ERBB4: variants seen among roughly 807,000 people sequenced by gnomAD.
ERBB4 encodes receptor tyrosine-protein kinase erbB-4.
ERBB4 carries 42 observed loss-of-function variants against 158.0 expected under a neutral mutation model. The ratio of observed to expected loss-of-function variants is 0.27; its 90% confidence interval spans 0.21 to 0.34. ERBB4 has a LOEUF of 0.34. ERBB4 is among the 10% of genes least tolerant of loss of function. ERBB4 has a pLI of 1.00. For synonymous variants in ERBB4, 583 were observed against 558.7 expected, an observed-to-expected ratio of 1.04 and a Z score of -0.61; for missense variants, 1,333 against 1,624.1, an observed-to-expected ratio of 0.82 and a Z score of 3.08.
chr2:212,437,398 G>T (rs566258157), intron 1 of ERBB4, among the ~76,000 whole-genome samples: 1 of 151,158 alleles, frequency 6.6e-6, no homozygotes, highest in Non-Finnish European at 1.5e-5. Context: ...AGCAATTTTT[G>T]AGTTCTAAAG....
chr2:211,882,957 T>C (rs958229029), intron 3 of ERBB4, among the ~76,000 whole-genome samples: 1 of 152,218 alleles, frequency 6.6e-6, no homozygotes, highest in African/African-American at 2.4e-5. Context: ...TTACTGGGTA[T>C]ATACCCAAAG....
At chr2:212,305,824 T>C (rs1450370584) in intron 1 of ERBB4, among the ~76,000 whole-genome samples, 3 of 151,384 alleles carry the variant, frequency 2.0e-5, no homozygotes, top group Non-Finnish European at 4.4e-5. Context: ...TTAAAAGAAA[T>C]GTATCTGTTA....
intron 1 of ERBB4, among the ~76,000 whole-genome samples, chr2:212,196,614 A>G (rs937785119): frequency 6.6e-6 from 1 of 152,178 alleles, no homozygotes; most frequent in Non-Finnish European, 1.5e-5. Flanking sequence ...TATATTGTAC[A>G]GGAGGTAAGG....
intron 20 of ERBB4, among the ~76,000 whole-genome samples, chr2:211,445,694 A>G (rs2064094434): frequency 6.6e-6 from 1 of 152,178 alleles, no homozygotes; most frequent in South Asian, 2.1e-4. Context: ...CAGTGGACTC[A>G]AGAGTGAACA....
intron 1 of ERBB4, among the ~76,000 whole-genome samples, chr2:212,275,870 G>A (rs929386632): frequency 1.3e-5 from 2 of 151,830 alleles, no homozygotes; most frequent in Admixed American, 1.3e-4. Flanking sequence ...CCAATTAAAA[G>A]ACACAGACTG....
At chr2:211,417,679 C>A (rs2063424368) in intron 25 of ERBB4, among the ~76,000 whole-genome samples, 1 of 152,076 alleles carries the variant, frequency 6.6e-6, no homozygotes, top group Non-Finnish European at 1.5e-5. Flanking sequence ...ATCAAAAGCA[C>A]TATAAAAAAT....
At position 212,124,635 on chromosome 2, in the gene ERBB4, C is replaced by G. The variant is rs1218805560; in HGVS notation, c.234+117G>C. 4.3e-6 allele frequency: 5 copies of G among 1,169,474 alleles called. No individual in the cohort carries two copies. The African/African-American group carries it at 4.5e-5, about 11-fold the overall frequency. 72.4% of individuals were successfully genotyped at this position (1,169,474 alleles called of 1,614,324 possible). On this transcript the variant is annotated intron_variant, in intron 2 of 27. Transcript: ENST00000342788. The stretch of plus-strand genomic sequence containing the variant: ...CTATCTCTTATCTTTTGCCTATAGT[C>G]ACAGTGCCTGCCAGGCAGAAGAGCA...
intron 1 of ERBB4, among the ~76,000 whole-genome samples, chr2:212,222,940 T>TA (rs2083344978): frequency 6.6e-6 from 1 of 151,532 alleles, no homozygotes; most frequent in African/African-American, 2.4e-5. Flanking sequence ...ACATTCCTGT[T>TA]AGTGTCTTTA....
intron 20 of ERBB4, among the ~76,000 whole-genome samples, chr2:211,433,588 A>AT (rs1309478699): frequency 5.3e-5 from 8 of 151,392 alleles, no homozygotes; most frequent in African/African-American, 1.9e-4. Context: ...AAAAAAAATA[A>AT]AATAAAATAA....
At chr2:212,362,844 TTAAG>T (rs1374468354) in intron 1 of ERBB4, among the ~76,000 whole-genome samples, 3 of 151,398 alleles carry the variant, frequency 2.0e-5, no homozygotes, top group African/African-American at 4.8e-5. Flanking sequence ...AAAAGAGCTA[TTAAG>T]TTTTAATTAT....
rs575022600 is a variant in ERBB4 at position 212,458,253 on chromosome 2, C to T, written c.82+80196G>A. Among the ~76,000 whole-genome samples, 150 of 152,036 alleles carry T rather than the reference C, an allele frequency of 9.9e-4. 1 individual carries two copies. Among genetic ancestry groups the T allele is most frequent in the African/African-American group, 3.5e-3 (147 of 41,490 alleles). On this transcript the variant is annotated intron_variant, in intron 1 of 27. Transcript: ENST00000342788. ...ATCTTTTGAAAGGACCATGCAAAGG[C>T]AGCCAAGGGGAAAATTCCATTTTTT...
At chr2:212,412,046 C>T (rs904179292) in intron 1 of ERBB4, among the ~76,000 whole-genome samples, 1 of 152,068 alleles carries the variant, frequency 6.6e-6, no homozygotes, top group African/African-American at 2.4e-5. Flanking sequence ...ACATATCAGT[C>T]CACCATATCC....
At chr2:211,911,582 G>C (rs1344039068) in intron 3 of ERBB4, among the ~76,000 whole-genome samples, 1 of 152,058 alleles carries the variant, frequency 6.6e-6, no homozygotes, top group East Asian at 1.9e-4. Context: ...TCACAATTTA[G>C]CGTATCAATA....
intron 16 of ERBB4, among the ~76,000 whole-genome samples, chr2:211,653,470 C>G (rs192662277): frequency 0.12 from 14,931 of 128,168 alleles, 1,359 homozygotes; most frequent in African/African-American, 0.29. Context: ...CCCCGCCCCC[C>G]GCACCCGCCC....
At chr2:212,208,634 G>C (rs975979974) in intron 1 of ERBB4, among the ~76,000 whole-genome samples, 1 of 152,058 alleles carries the variant, frequency 6.6e-6, no homozygotes, top group Non-Finnish European at 1.5e-5. Flanking sequence ...GATGTTAATA[G>C]GTGGTTAGAG....
At chr2:212,525,710 T>G (rs1359588788) in intron 1 of ERBB4, among the ~76,000 whole-genome samples, 1 of 152,058 alleles carries the variant, frequency 6.6e-6, no homozygotes, top group Non-Finnish European at 1.5e-5. Context: ...TTTACTCTGT[T>G]GGATAATACT....
intron 4 of ERBB4, among the ~76,000 whole-genome samples, chr2:211,784,803 C>A (rs1458788317): frequency 6.6e-6 from 1 of 152,028 alleles, no homozygotes; most frequent in Non-Finnish European, 1.5e-5. Flanking sequence ...AAGTGGGAGA[C>A]AATATCTTAT....
intron 3 of ERBB4, among the ~76,000 whole-genome samples, chr2:211,860,555 C>T (rs2077984827): frequency 6.6e-6 from 1 of 152,072 alleles, no homozygotes; most frequent in East Asian, 1.9e-4. Context: ...ACCTAGGCCT[C>T]TTAGCTTGCA....
intron 20 of ERBB4, among the ~76,000 whole-genome samples, chr2:211,493,646 T>C (rs1460557632): frequency 6.6e-6 from 1 of 150,748 alleles, no homozygotes; most frequent in Non-Finnish European, 1.5e-5. Context: ...CACATAATCA[T>C]AGAAAGTATA....
Sources: allele counts gnomAD v4.1 joint callset (sites outside exome capture counted in the v4.1 genomes callset), GRCh38; gene constraint gnomAD v4.1.1; transcripts MANE v1.5; gene names NCBI Gene and HGNC (gene_info 2026-07-23, HGNC 2026-07-21).